Variants in IRAK2 observed in about 807,000 individuals in gnomAD.
The protein encoded by IRAK2 is interleukin 1 receptor associated kinase 2.
A neutral mutation model predicts 72.0 loss-of-function variants in IRAK2; 57 were observed. That is an observed-to-expected ratio of 0.79 (90% CI 0.64 to 0.99). The LOEUF (loss-of-function observed/expected upper bound fraction) is 0.99, where lower values mean the gene tolerates loss of function less well. Among genes scored for constraint, IRAK2 ranks in the 50% least tolerant of loss-of-function variants. The pLI is 0.00. For synonymous variants in IRAK2, 293 were observed against 312.7 expected, an observed-to-expected ratio of 0.94 and a Z score of 0.67; for missense variants, 790 against 794.4, an observed-to-expected ratio of 0.99 and a Z score of 0.07.
chr3:10,238,549 C>T (rs778044), intron 11 of IRAK2, among the ~76,000 whole-genome samples, 199 bp from the exon 12 acceptor site: 107,032 of 152,014 alleles, frequency 0.7, 38,261 homozygotes, highest in East Asian at 0.99. Flanking sequence ...TGTTGGGTCA[C>T]GCCGTCTCAT....
At chr3:10,169,301 C>T (rs1338345679) in intron 1 of IRAK2, among the ~76,000 whole-genome samples, 1 of 152,160 alleles carries the variant, frequency 6.6e-6, no homozygotes, top group Non-Finnish European at 1.5e-5. Flanking sequence ...GCAGACAACC[C>T]GTCTGACTAG....
In IRAK2 at chr3:10,213,214, G is replaced by T; in HGVS notation, c.536G>T (p.Ser179Ile). 1 of 1,613,926 alleles carries T rather than the reference G, an allele frequency of 6.2e-7. No individual in the cohort carries two copies. The highest frequency in any genetic ancestry group is 2.2e-5 in the East Asian group (1 of 44,878). The change falls in exon 5 of 13, where the codon AGC (serine) becomes ATC (isoleucine). Residue 179 changes from serine (S) to isoleucine (I), a missense_variant. By Grantham distance (142) the Ser-to-Ile change is moderately radical. Transcript: ENST00000256458. Reference protein sequence around the residue: ...LPTSSDSKDFSTSIPKQEKLL... With the variant: ...LPTSSDSKDFITSIPKQEKLL... ...TTCTCTCTGGGTCTCCAGGACTTCA[G>T]CACCTCCATTCCTAAGCAGGAAAAA...
At chr3:10,183,720 A>AAATAAATAAATAAAT (rs1559440866) in intron 2 of IRAK2, among the ~76,000 whole-genome samples, 1 of 151,004 alleles carries the variant, frequency 6.6e-6, no homozygotes, top group African/African-American at 2.4e-5. Context: ...ACTCCGTCTC[A>AAATAAATAAATAAAT]AAATAAATAA....
At chr3:10,206,675 C>T (rs2125153372) in intron 3 of IRAK2, among the ~76,000 whole-genome samples, 1 of 152,234 alleles carries the variant, frequency 6.6e-6, no homozygotes, top group East Asian at 1.9e-4. Flanking sequence ...TGTGCCTCAG[C>T]CTCCTGAGTA....
chr3:10,237,507 A>G (rs188047985), intron 11 of IRAK2, among the ~76,000 whole-genome samples: 10 of 152,250 alleles, frequency 6.6e-5, no homozygotes, highest in Admixed American at 5.2e-4. Flanking sequence ...TGCATTGTGT[A>G]TGAAATGGAT....
intron 1 of IRAK2, among the ~76,000 whole-genome samples, chr3:10,165,930 G>C (rs1430567908): frequency 6.6e-6 from 1 of 151,856 alleles, no homozygotes; most frequent in African/African-American, 2.4e-5. Context: ...GGGTTTCACC[G>C]TGTTAGCCAG....
At chr3:10,165,880 G>A (rs191512507) in intron 1 of IRAK2, among the ~76,000 whole-genome samples, 695 of 152,152 alleles carry the variant, frequency 4.6e-3, no homozygotes, top group Middle Eastern at 0.021. Flanking sequence ...ACAGGCGCCC[G>A]CCACCACGCC....
chr3:10,235,972 C>T (rs1335180882), intron 11 of IRAK2, among the ~76,000 whole-genome samples: 1 of 152,194 alleles, frequency 6.6e-6, no homozygotes, highest in African/African-American at 2.4e-5. Flanking sequence ...CAGTTGTACA[C>T]TGGGGCCAGG....
chr3:10,202,351 T>C (rs2543466), intron 3 of IRAK2, among the ~76,000 whole-genome samples: 152,330 of 152,330 alleles, frequency 1, 76,165 homozygotes, highest in Non-Finnish European at 1. Context: ...CAGCCGGGCG[T>C]GGTAGCTCAT....
chr3:10,191,959 G>A (rs540299301), intron 2 of IRAK2, among the ~76,000 whole-genome samples: 3 of 152,054 alleles, frequency 2.0e-5, no homozygotes, highest in South Asian at 4.1e-4. Context: ...ACCAGGGATC[G>A]CACAATTAGG....
chr3:10,201,578 C>T (rs1409429618), intron 3 of IRAK2, among the ~76,000 whole-genome samples: 1 of 152,276 alleles, frequency 6.6e-6, no homozygotes, highest in Non-Finnish European at 1.5e-5. Flanking sequence ...ATACTCACTG[C>T]TATCCCAAAT....
At chr3:10,208,450 A>G (rs1446505720) in intron 3 of IRAK2, among the ~76,000 whole-genome samples, 1 of 151,372 alleles carries the variant, frequency 6.6e-6, no homozygotes, top group Admixed American at 6.6e-5. Flanking sequence ...GTACACCACC[A>G]TACCTGGCTA....
intron 10 of IRAK2, among the ~76,000 whole-genome samples, chr3:10,234,008 G>A (rs1697909141): frequency 6.6e-6 from 1 of 151,954 alleles, no homozygotes; most frequent in South Asian, 2.1e-4. Flanking sequence ...GATTACAGGC[G>A]TGCACTACCA....
chr3:10,165,197 C>T, intron 1 of IRAK2, 149 bp downstream of exon 1: 4 of 651,162 alleles, frequency 6.1e-6, no homozygotes, highest in Non-Finnish European at 1.0e-5. Flanking sequence ...ACCGGGTCCG[C>T]CGCGGACCTC....
intron 2 of IRAK2, among the ~76,000 whole-genome samples, chr3:10,187,768 T>G (rs960891320): frequency 6.6e-6 from 1 of 152,168 alleles, no homozygotes; most frequent in Non-Finnish European, 1.5e-5. Context: ...GCCCATGAGA[T>G]CAATATACTT....
chr3:10,190,071 TTAAG>T (rs1697150294), intron 2 of IRAK2, among the ~76,000 whole-genome samples: 1 of 151,286 alleles, frequency 6.6e-6, no homozygotes, highest in Non-Finnish European at 1.5e-5. Flanking sequence ...GGCTCAGAGA[TTAAG>T]TAATTTCCCA....
At chr3:10,185,791 G>C (rs1409385609) in intron 2 of IRAK2, among the ~76,000 whole-genome samples, 2 of 151,402 alleles carry the variant, frequency 1.3e-5, no homozygotes, top group African/African-American at 4.9e-5. Flanking sequence ...CAGGAGAATT[G>C]CTTGAACCTG....
chr3:10,171,193 C>G (rs1696789020), intron 1 of IRAK2, among the ~76,000 whole-genome samples: 1 of 152,188 alleles, frequency 6.6e-6, no homozygotes, highest in African/African-American at 2.4e-5. Context: ...TGCAGAGGGG[C>G]TCGGCGCAGG....
rs1335652629 is a variant in IRAK2 at position 10,213,353 on chromosome 3, C to T, written c.675C>T (p.Tyr225=). ...GCCAGGGGACCTTTGCTGACGTCTACAGAGGGCACAGGCACGGGAAGCCAT... is the reference window on the plus strand; with the variant it reads ...GCCAGGGGACCTTTGCTGACGTCTATAGAGGGCACAGGCACGGGAAGCCAT... The part of the protein sequence containing the change: ...KISQGTFADV[Y]RGHRHGKPFV... The change falls in exon 5 of 13, where the codon TAC becomes TAT. Residue 225 remains tyrosine (Y), a synonymous_variant. Transcript: ENST00000256458. 6.2e-7 allele frequency: 1 copy of T among 1,614,066 alleles called. No individual in the cohort carries two copies. The highest frequency in any genetic ancestry group is 2.2e-5 in the East Asian group (1 of 44,878).
Sources: gnomAD v4.1 joint callset for allele counts (sites outside exome capture counted in the v4.1 genomes callset) on GRCh38, gnomAD v4.1.1 for gene constraint, MANE v1.5 for transcripts, NCBI Gene and HGNC (gene_info 2026-07-23, HGNC 2026-07-21) for gene names.